The following PRKN variants were observed in gnomAD, a reference collection of about 807,000 sequenced individuals.
PRKN encodes the protein E3 ubiquitin-protein ligase parkin.
A neutral mutation model predicts 59.5 loss-of-function variants in PRKN; 56 were observed. The observed-to-expected ratio is 0.94, with a 90% CI of 0.76 to 1.18. PRKN has a LOEUF of 1.18. Among genes scored for constraint, PRKN ranks in the 50% most tolerant of loss-of-function variants. The pLI is 0.00. For missense variants in PRKN, 657 were observed against 596.4 expected, an observed-to-expected ratio of 1.10 and a Z score of -1.06; for synonymous variants, 250 against 222.1, an observed-to-expected ratio of 1.13 and a Z score of -1.12.
intron 2 of PRKN, among the ~76,000 whole-genome samples, chr6:162,313,514 T>C (rs1782618300): frequency 6.6e-6 from 1 of 151,944 alleles, no homozygotes; most frequent in South Asian, 2.1e-4. Flanking sequence ...TGAAATGTAG[T>C]TTTGCTCTTG....
At chr6:161,508,782 T>C (rs1440680080) in intron 9 of PRKN, among the ~76,000 whole-genome samples, 1 of 152,154 alleles carries the variant, frequency 6.6e-6, no homozygotes, top group Non-Finnish European at 1.5e-5. Context: ...TTAAACACCA[T>C]GGTAATGCAA....
chr6:162,125,338 G>A (rs1337285653), intron 4 of PRKN, among the ~76,000 whole-genome samples: 1 of 152,182 alleles, frequency 6.6e-6, no homozygotes, highest in Non-Finnish European at 1.5e-5. Flanking sequence ...TTCTCAAGGA[G>A]GCGCTGCTTT....
chr6:162,209,347 G>GA (rs1233770113), intron 3 of PRKN, among the ~76,000 whole-genome samples: 1 of 152,112 alleles, frequency 6.6e-6, no homozygotes, highest in Non-Finnish European at 1.5e-5. Context: ...ACAGACACAT[G>GA]AAAAAATGCT....
At chr6:161,791,000 G>T (rs1790614966) in intron 6 of PRKN, among the ~76,000 whole-genome samples, 1 of 152,126 alleles carries the variant, frequency 6.6e-6, no homozygotes, top group South Asian at 2.1e-4. Context: ...GACCCGCCAG[G>T]ACTTATCCTC....
At chr6:162,508,149 G>A (rs1164234523) in intron 1 of PRKN, among the ~76,000 whole-genome samples, 2 of 152,166 alleles carry the variant, frequency 1.3e-5, no homozygotes, top group African/African-American at 4.8e-5. Flanking sequence ...AGCGGCAAGA[G>A]AAAATGAGGA....
intron 1 of PRKN, among the ~76,000 whole-genome samples, chr6:162,497,882 A>G (rs1408650241): frequency 6.6e-6 from 1 of 152,214 alleles, no homozygotes; most frequent in Non-Finnish European, 1.5e-5. Context: ...CATTTATTGT[A>G]TATTTCAAAA....
intron 1 of PRKN, among the ~76,000 whole-genome samples, chr6:162,519,294 C>T (rs1012122720): frequency 6.6e-6 from 1 of 152,136 alleles, no homozygotes; most frequent in African/African-American, 2.4e-5. Context: ...AGTACAGATG[C>T]CAGCGAATTA....
intron 7 of PRKN, among the ~76,000 whole-genome samples, chr6:161,631,602 A>G (rs1783312854): frequency 6.6e-6 from 1 of 152,260 alleles, no homozygotes; most frequent in Non-Finnish European, 1.5e-5. Flanking sequence ...TCATAATATG[A>G]GGATGACTTC....
At chr6:162,428,566 G>T (rs1286702817) in intron 2 of PRKN, among the ~76,000 whole-genome samples, 1 of 152,064 alleles carries the variant, frequency 6.6e-6, no homozygotes, top group Non-Finnish European at 1.5e-5. Context: ...TGTGCCTGGT[G>T]GCATCAACAT....
intron 2 of PRKN, among the ~76,000 whole-genome samples, chr6:162,413,688 T>A (rs2128155811): frequency 6.6e-6 from 1 of 152,336 alleles, no homozygotes; most frequent in South Asian, 2.1e-4. Flanking sequence ...ATTTAGGAAT[T>A]AAATTAAAAG....
intron 6 of PRKN, among the ~76,000 whole-genome samples, chr6:161,815,656 A>T (rs1018742292): frequency 1.3e-5 from 2 of 152,218 alleles, no homozygotes; most frequent in African/African-American, 4.8e-5. Flanking sequence ...AAGCGTGCTG[A>T]GTCCTGCAAT....
At chr6:161,683,320 A>C (rs955801468) in intron 7 of PRKN, among the ~76,000 whole-genome samples, 62 of 152,292 alleles carry the variant, frequency 4.1e-4, no homozygotes, top group African/African-American at 1.5e-3. Context: ...GTCCTGGGAA[A>C]AGAGGACTGG....
Position 161,447,661 on chromosome 6 carries a change from T to C in PRKN, c.1084-60784A>G, listed in dbSNP as rs575318077. ...GGCATGCACCACCATGCCTGGCTAA[T>C]TTTTTGTATTTTTAGTAGACACAGC... is the stretch of plus-strand genomic sequence containing the variant. On this transcript the variant is annotated intron_variant, in intron 9 of 11. Coordinates refer to ENST00000366898, the MANE Select transcript of PRKN (RefSeq NM_004562.3). The surrounding 1 kb of genome is among the most constrained non-coding windows in gnomAD (Gnocchi z 4.1). Among the ~76,000 whole-genome samples, 252 of 152,102 alleles carry C rather than the reference T, an allele frequency of 1.7e-3. 1 individual carries two copies. The highest frequency in any genetic ancestry group is 5.4e-3 in the African/African-American group (226 of 41,486).
chr6:162,087,271 T>C (rs1779281600), intron 4 of PRKN, among the ~76,000 whole-genome samples: 1 of 152,222 alleles, frequency 6.6e-6, no homozygotes, highest in South Asian at 2.1e-4. Context: ...CTGGTTGTAA[T>C]ATAATGACTA....
At chr6:162,323,077 G>T (rs1209667810) in intron 2 of PRKN, among the ~76,000 whole-genome samples, 5 of 120,180 alleles carry the variant, frequency 4.2e-5, no homozygotes, top group Non-Finnish European at 6.8e-5. Context: ...GTTGTGGGGT[G>T]GGGGGAGGGG....
chr6:162,687,697 T>C (rs1306317975), intron 1 of PRKN, among the ~76,000 whole-genome samples: 2 of 152,192 alleles, frequency 1.3e-5, no homozygotes, highest in African/African-American at 2.4e-5. Flanking sequence ...CAATTTGTTA[T>C]TGAAGATGTG....
chr6:161,591,157 A>G (rs1781710519), intron 7 of PRKN, among the ~76,000 whole-genome samples: 1 of 152,356 alleles, frequency 6.6e-6, no homozygotes, highest in East Asian at 1.9e-4. Context: ...ATATGCACAT[A>G]TGTACACAGA....
chr6:162,033,127 A>T (rs558996887), intron 5 of PRKN, among the ~76,000 whole-genome samples: 1 of 152,306 alleles, frequency 6.6e-6, no homozygotes, highest in Non-Finnish European at 1.5e-5. Flanking sequence ...TCTCGCCTCC[A>T]TCACTTTTCA....
chr6:162,421,693 T>C (rs533089002), intron 2 of PRKN, among the ~76,000 whole-genome samples: 1 of 152,144 alleles, frequency 6.6e-6, no homozygotes, highest in Admixed American at 6.5e-5. Context: ...GAACAACGCA[T>C]TACAGGAAAA....
Sources: gnomAD v4.1 joint callset for allele counts (sites outside exome capture counted in the v4.1 genomes callset) on GRCh38, gnomAD v4.1.1 for gene constraint, Gnocchi (gnomAD v3.1) non-coding constraint, MANE v1.5 for transcripts, NCBI Gene and HGNC (gene_info 2026-07-23, HGNC 2026-07-21) for gene names.